Variants in AGAP1 observed in about 807,000 individuals in gnomAD.
AGAP1 encodes the protein arf-GAP with GTPase, ANK repeat and PH domain-containing protein 1.
A neutral mutation model predicts 105.3 loss-of-function variants in AGAP1; 29 were observed. The observed-to-expected ratio is 0.28, with a 90% CI of 0.21 to 0.38. The LOEUF (loss-of-function observed/expected upper bound fraction) is 0.38, where lower values mean the gene tolerates loss of function less well. Ranked by LOEUF, AGAP1 falls within the 10% of genes least tolerant of loss-of-function variation. The probability of loss-of-function intolerance (pLI) is 1.00; values close to 1 mark genes in which losing one functional copy is unlikely to be tolerated. For synonymous variants in AGAP1, 509 were observed against 485.9 expected (o/e 1.05, Z -0.63); for missense variants, 998 against 1,165.1 (o/e 0.86, Z 2.09).
intron 16 of AGAP1, among the ~76,000 whole-genome samples, chr2:236,110,424 G>A (rs1019387252): frequency 9.9e-5 from 15 of 152,046 alleles, no homozygotes; most frequent in African/African-American, 3.1e-4. Context: ...TTAGCTGGGC[G>A]TGGTGATGTG....
At chr2:235,628,829 T>A (rs1946726682) in intron 1 of AGAP1, among the ~76,000 whole-genome samples, 1 of 151,962 alleles carries the variant, frequency 6.6e-6, no homozygotes, top group Non-Finnish European at 1.5e-5. Context: ...TTTTGTTTGT[T>A]TGTTTGTTTT....
chr2:236,008,701 C>CCCATGTGCA (rs770213914), intron 13 of AGAP1, among the ~76,000 whole-genome samples: 3 of 152,176 alleles, frequency 2.0e-5, no homozygotes, highest in Non-Finnish European at 4.4e-5. Flanking sequence ...GATGGTCTTT[C>CCCATGTGCA]CCATGTGCAC....
chr2:235,580,808 A>T (rs930058691), intron 1 of AGAP1, among the ~76,000 whole-genome samples: 1 of 152,182 alleles, frequency 6.6e-6, no homozygotes, highest in Non-Finnish European at 1.5e-5. Flanking sequence ...AAAAAAATCT[A>T]GAGAGGATGT....
chr2:235,626,005 C>T (rs890201639), intron 1 of AGAP1, among the ~76,000 whole-genome samples: 1 of 151,990 alleles, frequency 6.6e-6, no homozygotes, highest in Admixed American at 6.6e-5. Context: ...ATCCTATGAG[C>T]GAAAAATTGG....
rs959699661 is a variant in AGAP1 at position 236,003,965 on chromosome 2, G to A, written c.1646-32596G>A. Reference sequence around the variant, plus strand: ...ATGGCTCTGTGGAATGGGCGGTTTAGTATTCCTTTTTCTGGCAACTCACTT... The same window carrying A: ...ATGGCTCTGTGGAATGGGCGGTTTAATATTCCTTTTTCTGGCAACTCACTT... On this transcript the variant is annotated intron_variant, in intron 13 of 17. Coordinates refer to ENST00000304032, the MANE Select transcript of AGAP1 (RefSeq NM_001037131.3). The surrounding 1 kb of genome is among the most constrained non-coding windows in gnomAD (Gnocchi z 4.2). Among the ~76,000 whole-genome samples the A allele has an allele frequency of 6.6e-6, 1 of 152,186 alleles. No individual in the cohort carries two copies. Among genetic ancestry groups the A allele is most frequent in the Non-Finnish European group, 1.5e-5 (1 of 68,038 alleles).
intron 1 of AGAP1, among the ~76,000 whole-genome samples, chr2:235,548,770 A>G (rs1943709249): frequency 6.6e-6 from 1 of 152,128 alleles, no homozygotes. Context: ...AACCTGAGTT[A>G]TCTGCTCATG....
chr2:235,916,706 G>A lies in AGAP1; in HGVS notation c.1324+7800G>A, dbSNP rs184559717. Among the ~76,000 whole-genome samples the A allele has an allele frequency of 1.5e-3, 236 of 152,360 alleles. 1 individual carries two copies. Among genetic ancestry groups the A allele is most frequent in the Middle Eastern group, 6.8e-3 (2 of 294 alleles). ...CGGCATTCCTTTGAAAAGCTTGGCC[G>A]ATGCTGACTTCACAGAATTACATCA... On this transcript the variant is annotated intron_variant, in intron 11 of 17. Transcript: ENST00000304032.
At chr2:235,921,533 A>G (rs1329324115) in intron 11 of AGAP1, among the ~76,000 whole-genome samples, 2 of 152,202 alleles carry the variant, frequency 1.3e-5, no homozygotes, top group Non-Finnish European at 2.9e-5. Flanking sequence ...GCAGCATACA[A>G]TGAGCTGTTT....
chr2:236,068,793 G>A (rs1331148324), intron 16 of AGAP1, among the ~76,000 whole-genome samples: 20 of 93,034 alleles, frequency 2.1e-4, no homozygotes, highest in East Asian at 1.3e-3. Flanking sequence ...GCGAGACTCC[G>A]TCTCAAAAAA....
chr2:235,951,144 C>T lies in AGAP1; in HGVS notation c.1484-17318C>T, dbSNP rs1254938240. On this transcript the variant is annotated intron_variant, in intron 12 of 17. Transcript: ENST00000304032. This position sits in a 1 kb window ranked among gnomAD's most constrained non-coding sequence, Gnocchi z 4.2. The stretch of plus-strand genomic sequence containing the variant: ...ATGATTTCTTATTTTGTGGAAAATA[C>T]GAAATAAAGAAGACACATTTGGCCA... Among the ~76,000 whole-genome samples, 3 of 151,962 alleles carry T rather than the reference C, an allele frequency of 2.0e-5. No individual in the cohort carries two copies. Among genetic ancestry groups the T allele is most frequent in the Admixed American group, 2.0e-4 (3 of 15,266 alleles).
intron 3 of AGAP1, among the ~76,000 whole-genome samples, chr2:235,730,476 T>TC (rs1399728207): frequency 1.2e-5 from 1 of 81,302 alleles, no homozygotes; most frequent in Non-Finnish European, 2.6e-5. Flanking sequence ...TGTTTACCTT[T>TC]TAAAAAAAAA....
At chr2:236,099,316 G>T (rs540825075) in intron 16 of AGAP1, among the ~76,000 whole-genome samples, 3 of 151,892 alleles carry the variant, frequency 2.0e-5, no homozygotes, top group African/African-American at 4.8e-5. Flanking sequence ...TTAGCTGGGC[G>T]TGGTGGCGAG....
rs1209618889 is a variant in AGAP1 at position 235,719,110 on chromosome 2, A to T, written c.310+1466A>T. Among the ~76,000 whole-genome samples the T allele has an allele frequency of 2.0e-5, 3 of 152,116 alleles. No individual in the cohort carries two copies. Among genetic ancestry groups the T allele is most frequent in the African/African-American group, 7.2e-5 (3 of 41,406 alleles). ...TGAAATGACCACCTTTTCTAAGTAA[A>T]TCTACTTTCAGGGCCCTGCAACTCT... On this transcript the variant is annotated intron_variant, in intron 3 of 17. Coordinates refer to ENST00000304032, the MANE Select transcript of AGAP1 (RefSeq NM_001037131.3). This position sits in a 1 kb window ranked among gnomAD's most constrained non-coding sequence, Gnocchi z 4.9.
chr2:235,636,742 A>G (rs1160192037), intron 1 of AGAP1, among the ~76,000 whole-genome samples: 1 of 152,152 alleles, frequency 6.6e-6, no homozygotes, highest in African/African-American at 2.4e-5. Flanking sequence ...TATGAATGTG[A>G]TCGTCTCTCA....
At chr2:235,860,771 A>C (rs564934485) in intron 9 of AGAP1, among the ~76,000 whole-genome samples, 1 of 152,350 alleles carries the variant, frequency 6.6e-6, no homozygotes, top group South Asian at 2.1e-4. Context: ...GAGTAATCTT[A>C]AATAATTAAA....
intron 15 of AGAP1, among the ~76,000 whole-genome samples, chr2:236,047,036 G>C (rs2057740950): frequency 6.6e-6 from 1 of 152,204 alleles, no homozygotes; most frequent in South Asian, 2.1e-4. Flanking sequence ...AGCTGAGGCA[G>C]GAGGATCACT....
Position 235,840,782 on chromosome 2 carries a change from T to TA in AGAP1, c.1050+33452dup, listed in dbSNP as rs397709442. The stretch of plus-strand genomic sequence containing the variant: ...GAGAAAGAAGAGTTTTTTTTTTTTT[T>TA]ATAAATGAGGGACACTTGTGCTGAA... On this transcript the variant is annotated intron_variant, in intron 9 of 17. Coordinates refer to ENST00000304032, the MANE Select transcript of AGAP1 (RefSeq NM_001037131.3). Among the ~76,000 whole-genome samples the TA allele has an allele frequency of 9.4e-4, 142 of 151,448 alleles. 1 individual carries two copies. The East Asian group carries it at 0.025, about 27-fold the overall frequency.
At chr2:235,590,037 C>T (rs1175474882) in intron 1 of AGAP1, among the ~76,000 whole-genome samples, 1 of 152,068 alleles carries the variant, frequency 6.6e-6, no homozygotes, top group African/African-American at 2.4e-5. Flanking sequence ...AGTGCCACCA[C>T]ATCTGGCTAA....
chr2:235,999,503 A>ATG (rs2055995114), intron 13 of AGAP1, among the ~76,000 whole-genome samples: 1 of 90,706 alleles, frequency 1.1e-5, no homozygotes, highest in African/African-American at 4.5e-5. Flanking sequence ...TGGTGGTGGT[A>ATG]GTGGTGATGG....
Sources: gnomAD v4.1 joint callset for allele counts (sites outside exome capture counted in the v4.1 genomes callset) on GRCh38, gnomAD v4.1.1 for gene constraint, Gnocchi (gnomAD v3.1) non-coding constraint, MANE v1.5 for transcripts, NCBI Gene and HGNC (gene_info 2026-07-23, HGNC 2026-07-21) for gene names.